The following NALF1 variants were observed in gnomAD, a reference collection of about 807,000 sequenced individuals.
NALF1 encodes NALCN channel auxiliary factor 1.
Under a neutral mutation model 48.4 loss-of-function variants are expected in NALF1, and 3 were observed. The observed-to-expected ratio is 0.06, with a 90% CI of 0.03 to 0.16. The LOEUF (loss-of-function observed/expected upper bound fraction) is 0.16. Among genes scored for constraint, NALF1 ranks in the 10% least tolerant of loss-of-function variants. The pLI is 1.00. For missense variants in NALF1, 526 were observed against 571.5 expected, an observed-to-expected ratio of 0.92 and a Z score of 0.81; for synonymous variants, 262 against 245.7, an observed-to-expected ratio of 1.07 and a Z score of -0.62.
At chr13:107,479,940 C>T (rs1024306291) in intron 1 of NALF1, among the ~76,000 whole-genome samples, 3 of 152,018 alleles carry the variant, frequency 2.0e-5, no homozygotes, top group African/African-American at 7.2e-5. Context: ...TTTTTACCTT[C>T]ATGAAAAGTG....
At chr13:107,676,807 T>C (rs992288227) in intron 1 of NALF1, among the ~76,000 whole-genome samples, 8 of 152,172 alleles carry the variant, frequency 5.3e-5, no homozygotes, top group African/African-American at 1.9e-4. Context: ...ATGTTTATTT[T>C]TGTTGTAAGC....
At chr13:107,856,079 A>C (rs1029266881) in intron 1 of NALF1, among the ~76,000 whole-genome samples, 1 of 152,036 alleles carries the variant, frequency 6.6e-6, no homozygotes, top group Non-Finnish European at 1.5e-5. Context: ...AATTTTTAAA[A>C]ATTTTCTTGT....
intron 1 of NALF1, among the ~76,000 whole-genome samples, chr13:107,655,190 G>T (rs559634156): frequency 5.9e-5 from 9 of 152,156 alleles, no homozygotes; most frequent in African/African-American, 2.2e-4. Flanking sequence ...ATGCAAATCG[G>T]TAAAGAGGAA....
At chr13:107,542,741 G>A (rs1404606209) in intron 1 of NALF1, among the ~76,000 whole-genome samples, 2 of 152,048 alleles carry the variant, frequency 1.3e-5, no homozygotes, top group Non-Finnish European at 2.9e-5. Flanking sequence ...AATATATGCT[G>A]ATAATTCCAT....
intron 1 of NALF1, among the ~76,000 whole-genome samples, chr13:107,710,249 C>T (rs560125978): frequency 1.4e-4 from 21 of 152,070 alleles, no homozygotes; most frequent in Non-Finnish European, 2.2e-4. Flanking sequence ...CCAAACCTCT[C>T]GGTATCTACT....
intron 1 of NALF1, among the ~76,000 whole-genome samples, chr13:107,599,191 C>T (rs936662216): frequency 2.0e-5 from 3 of 151,960 alleles, no homozygotes; most frequent in African/African-American, 7.3e-5. Context: ...GAGGCCGAGG[C>T]GGGCAGATCA....
chr13:107,367,253 A>G (rs959257128), intron 1 of NALF1, among the ~76,000 whole-genome samples: 6 of 152,308 alleles, frequency 3.9e-5, no homozygotes, highest in African/African-American at 1.4e-4. Context: ...TTATCATGAT[A>G]AAAGACTGGG....
At chr13:107,801,920 C>T (rs1878625333) in intron 1 of NALF1, among the ~76,000 whole-genome samples, 1 of 152,142 alleles carries the variant, frequency 6.6e-6, no homozygotes, top group African/African-American at 2.4e-5. Context: ...ACACATTTCA[C>T]GGTCTAAATT....
chr13:107,779,869 T>C (rs985486382), intron 1 of NALF1, among the ~76,000 whole-genome samples: 1 of 152,208 alleles, frequency 6.6e-6, no homozygotes, highest in South Asian at 2.1e-4. Context: ...CATTTCATGC[T>C]TGGAACCCTG....
At chr13:107,451,729 T>A (rs1010761817) in intron 1 of NALF1, among the ~76,000 whole-genome samples, 2 of 152,240 alleles carry the variant, frequency 1.3e-5, no homozygotes, top group Non-Finnish European at 2.9e-5. Context: ...TCAAACTTCT[T>A]AATACATTGC....
intron 1 of NALF1, among the ~76,000 whole-genome samples, chr13:107,578,254 G>C (rs1348314580): frequency 6.8e-6 from 1 of 147,368 alleles, no homozygotes; most frequent in Non-Finnish European, 1.5e-5. Context: ...TTTTTTTCTG[G>C]TTGTTTCTAC....
At position 107,170,470 on chromosome 13, in the gene NALF1, G is replaced by A; in HGVS notation, c.*27C>T. On this transcript the variant is annotated 3_prime_UTR_variant, in exon 3 of 3. Coordinates refer to ENST00000375915, the MANE Select transcript of NALF1 (RefSeq NM_001080396.3). ...TGCCATTTTTCACGGCGGGCCAGCT[G>A]CTGCTGTGGTGACACTCGTCCTTCC... 1 of 1,559,120 alleles carries A rather than the reference G, an allele frequency of 6.4e-7. No homozygotes were observed. Among genetic ancestry groups the A allele is most frequent in the South Asian group, 1.2e-5 (1 of 85,588 alleles).
chr13:107,540,497 T>C (rs1224626694), intron 1 of NALF1, among the ~76,000 whole-genome samples: 1 of 152,108 alleles, frequency 6.6e-6, no homozygotes, highest in Non-Finnish European at 1.5e-5. Context: ...GTAAATATTT[T>C]ATATGTATGT....
In NALF1 at chr13:107,335,823, G is replaced by A. The variant is rs369657163; in HGVS notation, c.916-125068C>T. On this transcript the variant is annotated intron_variant, in intron 1 of 2. Transcript: ENST00000375915. Reference sequence around the variant, plus strand: ...ATTCAACTCTAGAATATCCTTTACCGTAAGTGGGATATTGGGATAGATTTA... The same window carrying A: ...ATTCAACTCTAGAATATCCTTTACCATAAGTGGGATATTGGGATAGATTTA... Among the ~76,000 whole-genome samples, 19 of 152,304 alleles carry A rather than the reference G, an allele frequency of 1.2e-4. 1 individual carries two copies. The highest frequency in any genetic ancestry group is 5.8e-4 in the East Asian group (3 of 5,188).
chr13:107,279,383 G>A (rs1216349341), intron 1 of NALF1, among the ~76,000 whole-genome samples: 1 of 152,078 alleles, frequency 6.6e-6, no homozygotes, highest in Non-Finnish European at 1.5e-5. Flanking sequence ...AGCCTCCCGA[G>A]TAGCTGGAAT....
chr13:107,657,974 T>C (rs766844871), intron 1 of NALF1, among the ~76,000 whole-genome samples: 14 of 152,140 alleles, frequency 9.2e-5, no homozygotes, highest in Non-Finnish European at 1.2e-4. Flanking sequence ...CCCTCCTTTT[T>C]GAACCAAAAT....
chr13:107,288,768 G>A (rs745312946), intron 1 of NALF1, among the ~76,000 whole-genome samples: 8 of 151,506 alleles, frequency 5.3e-5, no homozygotes, highest in Non-Finnish European at 8.8e-5. Flanking sequence ...CCTGACCTAT[G>A]GTGATCCACT....
intron 1 of NALF1, among the ~76,000 whole-genome samples, chr13:107,668,236 AG>A: frequency 6.6e-6 from 1 of 152,136 alleles, no homozygotes; most frequent in Non-Finnish European, 1.5e-5. Context: ...CAGGGTTTAA[AG>A]ATGGGAAAAT....
intron 1 of NALF1, among the ~76,000 whole-genome samples, chr13:107,519,235 A>G (rs1398832867): frequency 6.6e-6 from 1 of 152,188 alleles, no homozygotes; most frequent in Non-Finnish European, 1.5e-5. Flanking sequence ...GAGGAAAAAA[A>G]AATTCTCTGG....
Sources: gnomAD v4.1 joint callset for allele counts (sites outside exome capture counted in the v4.1 genomes callset) on GRCh38, gnomAD v4.1.1 for gene constraint, MANE v1.5 for transcripts, NCBI Gene and HGNC (gene_info 2026-07-23, HGNC 2026-07-21) for gene names.